ARHGEF4: variants seen among roughly 807,000 people sequenced by gnomAD.
The protein encoded by ARHGEF4 is Rho guanine nucleotide exchange factor 4.
ARHGEF4 carries 119 observed loss-of-function variants against 162.0 expected under a neutral mutation model. The ratio of observed to expected loss-of-function variants is 0.73; its 90% CI spans 0.63 to 0.86. The LOEUF (loss-of-function observed/expected upper bound fraction) is 0.86. Among genes scored for constraint, ARHGEF4 ranks in the 40% least tolerant of loss-of-function variants. The pLI is 0.00. For synonymous variants in ARHGEF4, 1,014 were observed against 979.9 expected (o/e 1.03, Z -0.65); for missense variants, 2,488 against 2,456.0 (o/e 1.01, Z -0.28).
At chr2:130,847,970 G>A (rs914122779) in intron 1 of ARHGEF4, among the ~76,000 whole-genome samples, 1 of 152,210 alleles carries the variant, frequency 6.6e-6, no homozygotes, top group African/African-American at 2.4e-5. Context: ...GTCTGTCTGT[G>A]GGCGAAGCTG....
intron 5 of ARHGEF4, chr2:131,035,807 G>A: frequency 1.0e-6 from 1 of 985,396 alleles, no homozygotes; most frequent in South Asian, 4.7e-5. Flanking sequence ...AACTGCGGGT[G>A]TTCACAGCTG....
intron 4 of ARHGEF4, among the ~76,000 whole-genome samples, chr2:130,976,535 A>G (rs939219897): frequency 6.6e-6 from 1 of 152,238 alleles, no homozygotes; most frequent in Non-Finnish European, 1.5e-5. Context: ...AATTTCGGTC[A>G]CTAAAGTCAG....
rs531781970 is a variant in ARHGEF4 at position 130,869,633 on chromosome 2, C to T, written c.39+32641C>T. Among the ~76,000 whole-genome samples the T allele has an allele frequency of 5.6e-4, 85 of 152,234 alleles. No homozygotes were observed. In the Middle Eastern group the frequency reaches 0.014, roughly 24 times the overall value. On this transcript the variant is annotated intron_variant, in intron 1 of 13. Coordinates refer to ENST00000409359, the MANE Select transcript of ARHGEF4 (RefSeq NM_001367493.1). ...TGTAGAAGCTGCTGGGGAACAATGA[C>T]CTCTGCAGTTAGAGAGAAGAGAGGG...
Position 131,027,963 on chromosome 2 carries a change from T to G in ARHGEF4, c.4004T>G (p.Leu1335Arg). The change falls in exon 5 of 14, where the codon CTG becomes CGG. Residue 1335 changes from leucine (L) to arginine (R), a missense_variant. This residue lies in a region of ARHGEF4 where 1,642 missense variants were observed against 1,481.5 expected (regional missense o/e 1.11). Transcript: ENST00000409359. ...CTTCCAGCCATGCCTGATGGAGCTC[T>G]GGACACAGCTGTCTGCGCTGACGAA... is the stretch of plus-strand genomic sequence containing the variant. ...TPGTAMPDGALDTAVCADEVG... is the reference protein window; with the variant it reads ...TPGTAMPDGARDTAVCADEVG... 6.2e-7 allele frequency: 1 copy of G among 1,614,036 alleles called. No individual in the cohort carries two copies. The highest frequency in any genetic ancestry group is 8.5e-7 in the Non-Finnish European group (1 of 1,180,022).
At chr2:130,875,873 C>T (rs747005526) in intron 1 of ARHGEF4, among the ~76,000 whole-genome samples, 1 of 152,222 alleles carries the variant, frequency 6.6e-6, no homozygotes, top group African/African-American at 2.4e-5. Context: ...CTAGTTATGT[C>T]TCCATATGGA....
chr2:130,984,617 AG>A (rs1448920498), intron 4 of ARHGEF4, among the ~76,000 whole-genome samples: 1 of 150,884 alleles, frequency 6.6e-6, no homozygotes, highest in Non-Finnish European at 1.5e-5. Flanking sequence ...TGAACCCGGG[AG>A]GCAGAGGTTG....
intron 4 of ARHGEF4, among the ~76,000 whole-genome samples, chr2:130,999,522 T>C (rs1687635644): frequency 6.6e-6 from 1 of 152,198 alleles, no homozygotes; most frequent in South Asian, 2.1e-4. Context: ...TTGTAAATCT[T>C]CTCTTTCAGT....
chr2:131,005,405 C>CA (rs1420199245), intron 4 of ARHGEF4, among the ~76,000 whole-genome samples: 2 of 152,190 alleles, frequency 1.3e-5, no homozygotes, highest in African/African-American at 4.8e-5. Context: ...AGGGCCCTCC[C>CA]ACAACAGCCA....
At chr2:130,923,280 T>C (rs929762438) in intron 2 of ARHGEF4, among the ~76,000 whole-genome samples, 2 of 152,224 alleles carry the variant, frequency 1.3e-5, no homozygotes, top group Non-Finnish European at 2.9e-5. Flanking sequence ...TGTTGTCAAG[T>C]GTATCCATCT....
intron 4 of ARHGEF4, among the ~76,000 whole-genome samples, chr2:130,988,454 G>C (rs544580799): frequency 6.6e-6 from 1 of 152,288 alleles, no homozygotes; most frequent in Non-Finnish European, 1.5e-5. Flanking sequence ...ACTGTTACTG[G>C]TTTTTATTAT....
Position 130,916,026 on chromosome 2 carries a change from G to A in ARHGEF4, c.2080G>A (p.Ala694Thr), listed in dbSNP as rs1367803308. The change falls in exon 2 of 14, where the codon GCC becomes ACC. Residue 694 changes from alanine to threonine, a missense_variant. Around this residue, in one of 6 missense-constraint regions of ARHGEF4, gnomAD observed 1,642 missense variants for 1,481.5 expected, o/e 1.11. Coordinates refer to ENST00000409359, the MANE Select transcript of ARHGEF4 (RefSeq NM_001367493.1). The part of the protein sequence containing the change: ...PAGNECELPA[A>T]PIQGAGDGAL... The stretch of plus-strand genomic sequence containing the variant: ...CGGTAATGAGTGTGAGTTGCCAGCA[G>A]CCCCCATACAGGGAGCTGGCGATGG... The A allele has an allele frequency of 6.4e-7, 1 of 1,550,464 alleles. No individual in the cohort carries two copies. Among genetic ancestry groups the A allele is most frequent in the Non-Finnish European group, 8.7e-7 (1 of 1,146,958 alleles).
intron 2 of ARHGEF4, among the ~76,000 whole-genome samples, chr2:130,918,684 C>T (rs1681683339): frequency 6.6e-6 from 1 of 152,148 alleles, no homozygotes; most frequent in Non-Finnish European, 1.5e-5. Flanking sequence ...CGGAGCTGGG[C>T]GAGAAGGGGT....
intron 6 of ARHGEF4, 50 bp downstream of exon 6, chr2:131,039,082 C>T: frequency 2.6e-6 from 4 of 1,537,332 alleles, no homozygotes; most frequent in East Asian, 4.6e-5. Flanking sequence ...TAAAAAGCTA[C>T]CTGGTTCTGC....
intron 4 of ARHGEF4, among the ~76,000 whole-genome samples, chr2:130,956,015 G>A (rs1397185364): frequency 2.0e-5 from 3 of 152,238 alleles, no homozygotes; most frequent in Non-Finnish European, 2.9e-5. Context: ...TTGAGCCAGA[G>A]CTCAAGCTCT....
intron 13 of ARHGEF4, 44 bp downstream of exon 13, chr2:131,045,490 C>G (rs779457376): frequency 1.2e-6 from 2 of 1,613,608 alleles, no homozygotes; most frequent in African/African-American, 1.3e-5. Flanking sequence ...CCGGTCCTTA[C>G]CCTGCTGACA....
At chr2:130,877,397 A>G (rs1222323492) in intron 1 of ARHGEF4, among the ~76,000 whole-genome samples, 1 of 152,200 alleles carries the variant, frequency 6.6e-6, no homozygotes, top group Non-Finnish European at 1.5e-5. Context: ...ATTGCTTCAC[A>G]TAGTTATCAT....
intron 8 of ARHGEF4, among the ~76,000 whole-genome samples, chr2:131,041,029 A>G (rs1022289635): frequency 2.0e-5 from 3 of 152,114 alleles, no homozygotes; most frequent in Non-Finnish European, 4.4e-5. Context: ...ACACCTGCTC[A>G]TATTCTCACC....
chr2:130,845,293 C>A lies in ARHGEF4; in HGVS notation c.39+8301C>A, dbSNP rs188622560. Among the ~76,000 whole-genome samples the A allele has an allele frequency of 1.0e-3, 152 of 151,590 alleles. 2 individuals are homozygous for A. The East Asian group carries it at 0.025, about 25-fold the overall frequency. On this transcript the variant is annotated intron_variant, in intron 1 of 13. Transcript: ENST00000409359. ...CCAGCACTTTGGGAGGCCATTTGAG[C>A]CCAGGAGTTCCAGACCAGCCTGGGC...
intron 2 of ARHGEF4, among the ~76,000 whole-genome samples, chr2:130,926,014 CTCTTTCTT>C (rs1553514612): frequency 1.0e-3 from 99 of 97,272 alleles, no homozygotes; most frequent in African/African-American, 4.6e-3. Context: ...TTGGTTTTCT[CTCTTTCTT>C]TCTTTCTTTC....
Sources: gnomAD v4.1 joint callset for allele counts (sites outside exome capture counted in the v4.1 genomes callset) on GRCh38, gnomAD v4.1.1 for gene constraint, gnomAD v4.1.1 regional missense constraint, MANE v1.5 for transcripts, NCBI Gene and HGNC (gene_info 2026-07-23, HGNC 2026-07-21) for gene names.